MRPL48: variants seen among roughly 807,000 people sequenced by gnomAD.
MRPL48 encodes the protein mitochondrial ribosomal protein L48.
MRPL48 carries 16 observed loss-of-function variants against 32.9 expected under a neutral mutation model. That is an observed-to-expected ratio of 0.49 (90% CI 0.33 to 0.74). The LOEUF (loss-of-function observed/expected upper bound fraction) is 0.74. MRPL48 is among the 30% of genes least tolerant of loss of function. The pLI is 0.02. For synonymous variants in MRPL48, 94 were observed against 89.2 expected, an observed-to-expected ratio of 1.05 and a Z score of -0.31; for missense variants, 206 against 245.3, an observed-to-expected ratio of 0.84 and a Z score of 1.07.
At chr11:73,808,112 TC>T (rs1947492097) in intron 2 of MRPL48, among the ~76,000 whole-genome samples, 200 bp from the exon 3 acceptor site, 1 of 152,180 alleles carries the variant, frequency 6.6e-6, no homozygotes, top group Non-Finnish European at 1.5e-5. Context: ...GATAGAGACA[TC>T]TTACTTATAT....
At chr11:73,853,713 TG>T (rs1177210030) in intron 5 of MRPL48, among the ~76,000 whole-genome samples, 1 of 119,964 alleles carries the variant, frequency 8.3e-6, no homozygotes. Flanking sequence ...TTTTTTGAGA[TG>T]GAGTCTCGCT....
At chr11:73,863,996 TTC>T (rs145540790) in intron 7 of MRPL48, among the ~76,000 whole-genome samples, 3 of 151,442 alleles carry the variant, frequency 2.0e-5, no homozygotes, top group South Asian at 2.1e-4. Flanking sequence ...AATTTTGGTA[TTC>T]TCTCTCTCTC....
chr11:73,796,491 A>T (rs1485851276), intron 1 of MRPL48, among the ~76,000 whole-genome samples: 1 of 152,234 alleles, frequency 6.6e-6, no homozygotes, highest in Non-Finnish European at 1.5e-5. Flanking sequence ...CAGGCATAGG[A>T]GGGAAGCCAA....
intron 1 of MRPL48, among the ~76,000 whole-genome samples, chr11:73,790,775 C>G (rs1483984325): frequency 6.6e-6 from 1 of 151,956 alleles, no homozygotes; most frequent in Non-Finnish European, 1.5e-5. Context: ...AGTCCTCCCA[C>G]CTTGGCCTCC....
chr11:73,797,562 G>T (rs1947279159), intron 1 of MRPL48, among the ~76,000 whole-genome samples: 1 of 152,202 alleles, frequency 6.6e-6, no homozygotes, highest in Non-Finnish European at 1.5e-5. Flanking sequence ...AAAGCTGCTT[G>T]TGGTGCACCT....
rs749094434 is a variant in MRPL48 at position 73,817,889 on chromosome 11, C to T, written c.113-7819C>T. 32 of 301,516 alleles carry T rather than the reference C, an allele frequency of 1.1e-4. 1 individual carries two copies. Among genetic ancestry groups the T allele is most frequent in the South Asian group, 8.6e-4 (31 of 35,976 alleles). 18.7% of individuals were successfully genotyped at this position (301,516 alleles called of 1,614,324 possible). A position where few individuals can be genotyped will look rare whatever the true frequency, so the allele number is the denominator to read the frequency against. Reference sequence around the variant, plus strand: ...GCATGATCATAGCTCCCTGCAGCCTCGAACTCCTGGGTTCAAGCAATCCTC... The same window carrying T: ...GCATGATCATAGCTCCCTGCAGCCTTGAACTCCTGGGTTCAAGCAATCCTC... On this transcript the variant is annotated intron_variant, in intron 3 of 7. Coordinates refer to ENST00000310614, the MANE Select transcript of MRPL48 (RefSeq NM_016055.6).
chr11:73,852,886 A>G (rs139872037), intron 5 of MRPL48, among the ~76,000 whole-genome samples: 1 of 152,358 alleles, frequency 6.6e-6, no homozygotes, highest in Non-Finnish European at 1.5e-5. Flanking sequence ...GAAAATGTAC[A>G]TGTATACAAT....
intron 5 of MRPL48, among the ~76,000 whole-genome samples, chr11:73,846,079 A>G (rs1948282275): frequency 6.6e-6 from 1 of 151,130 alleles, no homozygotes; most frequent in Admixed American, 6.6e-5. Flanking sequence ...AAAAAAAAAA[A>G]AAAAAAAAAA....
chr11:73,854,135 G>C (rs1253749418), intron 5 of MRPL48, among the ~76,000 whole-genome samples: 1 of 152,134 alleles, frequency 6.6e-6, no homozygotes, highest in Non-Finnish European at 1.5e-5. Context: ...TTATAGTGAA[G>C]GGCACTGAAT....
Position 73,825,697 on chromosome 11 carries a change from C to T in MRPL48, c.113-11C>T. On this transcript the variant is annotated splice_polypyrimidine_tract_variant and intron_variant, in intron 3 of 7. Transcript: ENST00000310614. ...CAAAAAAACAGGTTTGTCTTATTTT[C>T]TCTCTTTTAGGTGGAATTCTACTAA... The T allele has an allele frequency of 6.5e-7, 1 of 1,549,666 alleles. No individual in the cohort carries two copies. The highest frequency in any genetic ancestry group is 8.7e-7 in the Non-Finnish European group (1 of 1,145,710).
chr11:73,811,690 A>G (rs1370342849), intron 3 of MRPL48, among the ~76,000 whole-genome samples: 1 of 152,180 alleles, frequency 6.6e-6, no homozygotes, highest in Non-Finnish European at 1.5e-5. Flanking sequence ...TTGAATTGGT[A>G]TATATTCTGA....
At chr11:73,804,725 G>A (rs1033486794) in intron 1 of MRPL48, among the ~76,000 whole-genome samples, 4 of 152,162 alleles carry the variant, frequency 2.6e-5, no homozygotes, top group Admixed American at 6.5e-5. Context: ...CATGGCAGAT[G>A]CATACTAATT....
intron 4 of MRPL48, chr11:73,832,796 A>G (rs1269280058): frequency 6.6e-6 from 1 of 152,088 alleles, no homozygotes; most frequent in Non-Finnish European, 1.5e-5. Context: ...TTATATTAGC[A>G]CTCATGTTTT....
At chr11:73,809,490 C>T (rs1295691127) in intron 3 of MRPL48, among the ~76,000 whole-genome samples, 2 of 143,212 alleles carry the variant, frequency 1.4e-5, no homozygotes, top group African/African-American at 2.7e-5. Flanking sequence ...GGCGACAGAG[C>T]GAGACTCCGT....
intron 4 of MRPL48, among the ~76,000 whole-genome samples, chr11:73,841,541 G>T (rs1948185608): frequency 6.6e-6 from 1 of 152,184 alleles, no homozygotes; most frequent in Non-Finnish European, 1.5e-5. Context: ...ACACAAAAGA[G>T]AATGTATCTA....
In MRPL48 at chr11:73,844,994, G is replaced by T; in HGVS notation, c.371+18G>T. The T allele has an allele frequency of 6.3e-7, 1 of 1,595,476 alleles. No homozygotes were observed. The highest frequency in any genetic ancestry group is 1.1e-5 in the South Asian group (1 of 88,856). On this transcript the variant is annotated intron_variant, in intron 5 of 7. Transcript: ENST00000310614. The stretch of plus-strand genomic sequence containing the variant: ...GAGGAAAGGTATGAAGGATGCTTTT[G>T]TATGGGATGTTCTTGGTGTGGGTAG...
intron 1 of MRPL48, among the ~76,000 whole-genome samples, chr11:73,803,271 C>T (rs1391082451): frequency 1.3e-5 from 2 of 151,798 alleles, no homozygotes; most frequent in Non-Finnish European, 2.9e-5. Flanking sequence ...GCTGGGACTA[C>T]AGGCACGCAC....
chr11:73,801,932 A>G (rs530752603), intron 1 of MRPL48: 9 of 152,344 alleles, frequency 5.9e-5, no homozygotes, highest in South Asian at 4.1e-4. Context: ...ATTGTCTACA[A>G]TGTGCCTGAG....
intron 1 of MRPL48, among the ~76,000 whole-genome samples, 163 bp downstream of exon 1, chr11:73,788,155 C>A (rs1468382455): frequency 6.6e-6 from 1 of 152,032 alleles, no homozygotes; most frequent in Non-Finnish European, 1.5e-5. Context: ...GGCTGCCTGG[C>A]GTTGAAGGGG....
Sources: gnomAD v4.1 joint callset for allele counts (sites outside exome capture counted in the v4.1 genomes callset) on GRCh38, gnomAD v4.1.1 for gene constraint, MANE v1.5 for transcripts, NCBI Gene and HGNC (gene_info 2026-07-23, HGNC 2026-07-21) for gene names.